ALK: variants seen among roughly 807,000 people sequenced by gnomAD.
ALK encodes ALK tyrosine kinase receptor.
Under a neutral mutation model 163.1 loss-of-function variants are expected in ALK, and 74 were observed. The ratio of observed to expected loss-of-function variants is 0.45; its 90% CI spans 0.38 to 0.55. ALK has a LOEUF of 0.55. ALK is among the 20% of genes least tolerant of loss of function. ALK has a pLI of 0.00. For missense variants in ALK, 2,063 were observed against 2,105.3 expected (o/e 0.98, Z 0.39); for synonymous variants, 960 against 843.2 (o/e 1.14, Z -2.40).
At chr2:29,198,234 T>C (rs1244566645) in intron 26 of ALK, among the ~76,000 whole-genome samples, 3 of 152,210 alleles carry the variant, frequency 2.0e-5, no homozygotes, top group Non-Finnish European at 2.9e-5. Flanking sequence ...TTCTCTGAGC[T>C]TCAGTTTCAT....
rs77645904 is a variant in ALK at position 29,264,795 on chromosome 2, G to T, written c.2041+10304C>A. 4.1e-3 allele frequency among the ~76,000 whole-genome samples: 623 copies of T among 152,300 alleles called. 4 individuals are homozygous for T. The highest frequency in any genetic ancestry group is 0.014 in the African/African-American group (595 of 41,546). ...GGGGCTCCTGTTTTAGTGTTAGAAT[G>T]TTTAAGATGGACAAACCAGAGTGGT... is the stretch of plus-strand genomic sequence containing the variant. On this transcript the variant is annotated intron_variant, in intron 11 of 28. Coordinates refer to ENST00000389048, the MANE Select transcript of ALK (RefSeq NM_004304.5).
intron 4 of ALK, among the ~76,000 whole-genome samples, chr2:29,457,887 C>T (rs55737023): frequency 6.6e-6 from 1 of 152,028 alleles, no homozygotes; most frequent in Non-Finnish European, 1.5e-5. Context: ...ACAAAAAAAT[C>T]CTTCACACAT....
intron 2 of ALK, among the ~76,000 whole-genome samples, chr2:29,702,997 C>T (rs951849838): frequency 6.6e-6 from 1 of 152,162 alleles, no homozygotes; most frequent in Non-Finnish European, 1.5e-5. Flanking sequence ...ATTGGGATCC[C>T]AGTTTAGAAA....
intron 3 of ALK, among the ~76,000 whole-genome samples, chr2:29,592,539 C>A (rs942131252): frequency 2.0e-5 from 3 of 152,114 alleles, no homozygotes; most frequent in African/African-American, 7.2e-5. Context: ...TGCTGGAGGC[C>A]ACAAAGCCTC....
At chr2:29,537,214 A>T (rs1324420289) in intron 3 of ALK, among the ~76,000 whole-genome samples, 4 of 152,244 alleles carry the variant, frequency 2.6e-5, no homozygotes, top group Admixed American at 6.5e-5. Context: ...GACAATAAAA[A>T]AAAGATCGCA....
chr2:29,222,298 G>T (rs114023028), intron 22 of ALK, 46 bp downstream of exon 22: 2 of 1,569,968 alleles, frequency 1.3e-6, no homozygotes, highest in South Asian at 1.1e-5. Flanking sequence ...CAGGTTCTTT[G>T]GGGGCAGAGG....
chr2:29,381,877 G>A (rs571690473), intron 5 of ALK, among the ~76,000 whole-genome samples: 7 of 152,208 alleles, frequency 4.6e-5, no homozygotes, highest in East Asian at 1.9e-4. Context: ...CTACTGATGC[G>A]CACCTGAATT....
chr2:29,285,517 C>A (rs1010288262), intron 9 of ALK, among the ~76,000 whole-genome samples: 1 of 151,880 alleles, frequency 6.6e-6, no homozygotes, highest in Non-Finnish European at 1.5e-5. Flanking sequence ...CTTTGGCCTC[C>A]CAAAGTGCTG....
chr2:29,630,523 G>A (rs1167667388), intron 3 of ALK, among the ~76,000 whole-genome samples: 1 of 151,916 alleles, frequency 6.6e-6, no homozygotes, highest in African/African-American at 2.4e-5. Flanking sequence ...AAGCAGAGAA[G>A]GAAAAGAGAA....
chr2:29,207,675 G>A (rs1258021638), intron 25 of ALK, among the ~76,000 whole-genome samples: 7 of 152,238 alleles, frequency 4.6e-5, no homozygotes, highest in Non-Finnish European at 8.8e-5. Context: ...AGCAGGGCTT[G>A]TGTCTTAATC....
At chr2:29,638,935 A>C (rs1558420610) in intron 3 of ALK, among the ~76,000 whole-genome samples, 1 of 152,208 alleles carries the variant, frequency 6.6e-6, no homozygotes, top group East Asian at 1.9e-4. Context: ...TGTTCAGTAC[A>C]TGTGGACCAC....
intron 1 of ALK, among the ~76,000 whole-genome samples, chr2:29,909,860 C>T (rs559842648): frequency 6.6e-6 from 1 of 151,882 alleles, no homozygotes; most frequent in African/African-American, 2.4e-5. Flanking sequence ...TGACAATAAT[C>T]CTTGAAAGTA....
At chr2:29,625,247 T>C (rs1676158275) in intron 3 of ALK, among the ~76,000 whole-genome samples, 1 of 152,206 alleles carries the variant, frequency 6.6e-6, no homozygotes, top group African/African-American at 2.4e-5. Context: ...AGAAAATTAA[T>C]AAGTAAAGAT....
intron 3 of ALK, among the ~76,000 whole-genome samples, chr2:29,560,267 A>T (rs1381117089): frequency 1.3e-5 from 2 of 152,332 alleles, no homozygotes; most frequent in Non-Finnish European, 2.9e-5. Flanking sequence ...ATTATTCAAC[A>T]ATCTAAAGGA....
chr2:29,346,006 T>C (rs781504023), intron 5 of ALK, among the ~76,000 whole-genome samples: 28 of 152,346 alleles, frequency 1.8e-4, no homozygotes, highest in Middle Eastern at 3.4e-3. Flanking sequence ...CTCTCTTTTC[T>C]AAACCTTTCT....
At chr2:29,328,734 C>T (rs559450625) in intron 5 of ALK, among the ~76,000 whole-genome samples, 28 of 152,314 alleles carry the variant, frequency 1.8e-4, no homozygotes, top group African/African-American at 6.3e-4. Flanking sequence ...GGAAGGTGAG[C>T]AGCAGAGTGG....
chr2:29,871,906 G>A (rs116555528), intron 1 of ALK, among the ~76,000 whole-genome samples: 2,270 of 152,340 alleles, frequency 0.015, 64 homozygotes, highest in East Asian at 0.096. Flanking sequence ...GATCAGGTGA[G>A]AGAGACACCA....
intron 3 of ALK, among the ~76,000 whole-genome samples, chr2:29,533,109 C>A (rs1335128985): frequency 6.6e-6 from 1 of 152,224 alleles, no homozygotes; most frequent in Admixed American, 6.5e-5. Context: ...AGGTTTCCAA[C>A]TTTCTTAAAG....
intron 4 of ALK, among the ~76,000 whole-genome samples, chr2:29,463,555 G>C (rs1671136509): frequency 6.6e-6 from 1 of 152,174 alleles, no homozygotes; most frequent in Non-Finnish European, 1.5e-5. Context: ...CAAGACTTGA[G>C]AGAAGGGAAA....
Sources: gnomAD v4.1 joint callset for allele counts (sites outside exome capture counted in the v4.1 genomes callset) on GRCh38, gnomAD v4.1.1 for gene constraint, MANE v1.5 for transcripts, NCBI Gene and HGNC (gene_info 2026-07-23, HGNC 2026-07-21) for gene names.